The following CXCR2 variants were observed in gnomAD, a reference collection of about 807,000 sequenced individuals.
The protein encoded by CXCR2 is C-X-C motif chemokine receptor 2, also known as C-X-C chemokine receptor type 2.
In CXCR2, 2 loss-of-function variants were observed where a neutral mutation model predicts 3.7. That is an observed-to-expected ratio of 0.55 (90% CI 0.22 to 1.72). CXCR2 has a LOEUF of 1.72. Ranked by LOEUF, CXCR2 falls within the 40% of genes most tolerant of loss-of-function variation. The pLI, the probability that CXCR2 is intolerant of heterozygous loss-of-function variation, is 0.19. For missense variants in CXCR2, 351 were observed against 450.1 expected (o/e 0.78, Z 1.99); for synonymous variants, 203 against 193.3 (o/e 1.05, Z -0.41).
In CXCR2 at chr2:218,136,144, A is replaced by G. The variant is rs970732735; in HGVS notation, c.*260A>G. On this transcript the variant is annotated 3_prime_UTR_variant, in exon 3 of 3. Coordinates refer to ENST00000318507, the MANE Select transcript of CXCR2 (RefSeq NM_001557.4). ...CCTGCCCCTGAGCCCATGGCACTCT[A>G]TGTTCTAAGAAGTGAAAATCTACAC... 2 of 420,750 alleles carry G rather than the reference A, an allele frequency of 4.8e-6. No individual in the cohort carries two copies. Among genetic ancestry groups the G allele is most frequent in the Admixed American group, 8.0e-5 (2 of 24,914 alleles). The allele number at this position is 420,750 out of a possible 1,614,324, so 26.1% of individuals were successfully genotyped here.
At chr2:218,133,784 C>T (rs1358089103) in intron 2 of CXCR2, among the ~76,000 whole-genome samples, 1 of 152,224 alleles carries the variant, frequency 6.6e-6, no homozygotes, top group African/African-American at 2.4e-5. Context: ...TGGAAAGCCA[C>T]CAAGCAAGGG....
chr2:218,132,217 A>G (rs1690665847), intron 2 of CXCR2, among the ~76,000 whole-genome samples: 1 of 152,156 alleles, frequency 6.6e-6, no homozygotes, highest in Admixed American at 6.5e-5. Context: ...TATCACTCAA[A>G]AGAAAAACTC....
rs766840053 is a variant in CXCR2 at position 218,135,611 on chromosome 2, C to G, written c.810C>G (p.Val270=). The change falls in exon 3 of 3, where the codon GTC becomes GTG. Residue 270 remains valine, a synonymous_variant. Coordinates refer to ENST00000318507, the MANE Select transcript of CXCR2 (RefSeq NM_001557.4). This position sits in a 1 kb window ranked among gnomAD's most constrained non-coding sequence, Gnocchi z 4.0. ...FLLCWLPYNL[V]LLADTLMRTQ... ...TCTGCTGGCTGCCCTACAACCTGGT[C>G]CTGCTGGCAGACACCCTCATGAGGA... 5 of 1,614,146 alleles carry G rather than the reference C, an allele frequency of 3.1e-6. No homozygotes were observed. The highest frequency in any genetic ancestry group is 4.2e-6 in the Non-Finnish European group (5 of 1,180,028).
At chr2:218,129,424 C>T (rs1009299198) in intron 2 of CXCR2, 59 bp downstream of exon 2, 5 of 152,372 alleles carry the variant, frequency 3.3e-5, no homozygotes, top group African/African-American at 1.2e-4. Flanking sequence ...CTCTGTTTCC[C>T]TTGATACCCA....
Position 218,134,911 on chromosome 2 carries a change from C to T in CXCR2, c.110C>T (p.Ala37Val). The T allele has an allele frequency of 6.2e-7, 1 of 1,614,034 alleles. No individual in the cohort carries two copies. Among genetic ancestry groups the T allele is most frequent in the Non-Finnish European group, 8.5e-7 (1 of 1,180,062 alleles). The change falls in exon 3 of 3, where the codon GCC becomes GTC. Residue 37 changes from alanine to valine, a missense_variant. By Grantham distance (64) the Ala-to-Val change is moderately conservative (BLOSUM62 0). Transcript: ENST00000318507. The stretch of plus-strand genomic sequence containing the variant: ...CTGCCCCCTTTTCTACTAGATGCCG[C>T]CCCATGTGAACCAGAATCCCTGGAA... ...STLPPFLLDA[A>V]PCEPESLEIN...
chr2:218,129,830 G>A lies in CXCR2; in HGVS notation c.-26+465G>A, dbSNP rs1027935699. On this transcript the variant is annotated intron_variant, in intron 2 of 2. Transcript: ENST00000318507. ...GTTTGAGATCTTGTAAATGTCTCTC[G>A]TTCTATAGCATTTTCATGTAATAAA... Among the ~76,000 whole-genome samples the A allele has an allele frequency of 5.3e-5, 8 of 152,140 alleles. No homozygotes were observed. In the East Asian group the frequency reaches 7.7e-4, roughly 15 times the overall value.
intron 1 of CXCR2, among the ~76,000 whole-genome samples, chr2:218,127,491 C>T (rs865905859): frequency 6.6e-6 from 1 of 152,154 alleles, no homozygotes; most frequent in African/African-American, 2.4e-5. Context: ...TGAAATTGAC[C>T]TAAGGAGCAT....
rs1690777448 is a variant in CXCR2 at position 218,135,674 on chromosome 2, C to T, written c.873C>T (p.His291=). The change falls in exon 3 of 3, where the codon CAC becomes CAT. Residue 291 remains histidine, a synonymous_variant. Transcript: ENST00000318507. The surrounding 1 kb of genome is among the most constrained non-coding windows in gnomAD (Gnocchi z 4.0). ...AGGAGACCTGTGAGCGCCGCAATCA[C>T]ATCGACCGGGCTCTGGATGCCACCG... The part of the protein sequence containing the change: ...VIQETCERRN[H]IDRALDATEI... 1.2e-6 allele frequency: 2 copies of T among 1,614,184 alleles called. No homozygotes were observed. The highest frequency in any genetic ancestry group is 1.7e-5 in the Admixed American group (1 of 60,024).
Position 218,135,722 on chromosome 2 carries a change from C to CT in CXCR2, c.922dup (p.Cys308LeufsTer59). On this transcript the variant is annotated frameshift_variant, in exon 3 of 3. Coordinates refer to ENST00000318507, the MANE Select transcript of CXCR2 (RefSeq NM_001557.4). LOFTEE classifies it high-confidence loss of function. The surrounding 1 kb of genome is among the most constrained non-coding windows in gnomAD (Gnocchi z 4.0). ...CCGAGATTCTGGGCATCCTTCACAG[C>CT]TGCCTCAACCCCCTCATCTACGCCT... is the stretch of plus-strand genomic sequence containing the variant. The CT allele has an allele frequency of 1.9e-6, 3 of 1,614,108 alleles. No individual in the cohort carries two copies. Among genetic ancestry groups the CT allele is most frequent in the Non-Finnish European group, 2.5e-6 (3 of 1,180,026 alleles).
At chr2:218,130,215 G>A (rs377166205) in intron 2 of CXCR2, among the ~76,000 whole-genome samples, 3 of 152,166 alleles carry the variant, frequency 2.0e-5, no homozygotes, top group East Asian at 3.9e-4. Flanking sequence ...GAGGTCAGGA[G>A]TTCGAGACCA....
chr2:218,133,897 G>A (rs1045905511), intron 2 of CXCR2, among the ~76,000 whole-genome samples: 2 of 152,242 alleles, frequency 1.3e-5, no homozygotes, highest in African/African-American at 4.8e-5. Flanking sequence ...GCTGCCCAGA[G>A]CTCCCCAAAT....
In CXCR2 at chr2:218,135,006, G is replaced by T. The variant is rs368269858; in HGVS notation, c.205G>T (p.Val69Leu). The T allele has an allele frequency of 1.7e-5, 27 of 1,614,142 alleles. No homozygotes were observed. The highest frequency in any genetic ancestry group is 2.3e-5 in the Non-Finnish European group (27 of 1,180,022). The change falls in exon 3 of 3, where the codon GTG becomes TTG. Residue 69 changes from valine (V) to leucine (L), a missense_variant. By Grantham distance (32) the Val-to-Leu change is conservative. Transcript: ENST00000318507. The surrounding 1 kb of genome is among the most constrained non-coding windows in gnomAD (Gnocchi z 4.0). ...FLLSLLGNSLVMLVILYSRVG... is the reference protein window; with the variant it reads ...FLLSLLGNSLLMLVILYSRVG... ...GCTGAGCCTGCTGGGAAACTCCCTC[G>T]TGATGCTGGTCATCTTATACAGCAG...
At chr2:218,131,563 G>A (rs1469736649) in intron 2 of CXCR2, among the ~76,000 whole-genome samples, 2 of 146,936 alleles carry the variant, frequency 1.4e-5, no homozygotes, top group Non-Finnish European at 3.0e-5. Context: ...TTCGCTTCCC[G>A]GGTTCACACC....
chr2:218,131,803 T>C (rs1276857188), intron 2 of CXCR2, among the ~76,000 whole-genome samples: 2 of 151,402 alleles, frequency 1.3e-5, no homozygotes, highest in African/African-American at 4.9e-5. Flanking sequence ...ACATTACAAC[T>C]GATTGAATCT....
At chr2:218,129,602 C>A (rs1357937009) in intron 2 of CXCR2, among the ~76,000 whole-genome samples, 2 of 152,182 alleles carry the variant, frequency 1.3e-5, no homozygotes, top group African/African-American at 2.4e-5. Flanking sequence ...GCTGCCCATG[C>A]TTTTCCCTTG....
At position 218,127,461 on chromosome 2, in the gene CXCR2, C is replaced by T. The variant is rs550365207; in HGVS notation, c.-78+1108C>T. ...TAATTCACTCCACCCTGCATATAAC[C>T]GCAGTGATCTCCATGGAAATGAAAT... On this transcript the variant is annotated intron_variant, in intron 1 of 2. Transcript: ENST00000318507. 8.5e-5 allele frequency among the ~76,000 whole-genome samples: 13 copies of T among 152,256 alleles called. No individual in the cohort carries two copies. The South Asian group carries it at 2.5e-3, about 29-fold the overall frequency.
rs1240805593 is a variant in CXCR2 at position 218,129,305 on chromosome 2, C to T, written c.-77-9C>T. The T allele has an allele frequency of 6.6e-6, 1 of 152,418 alleles. No homozygotes were observed. Among genetic ancestry groups the T allele is most frequent in the African/African-American group, 2.4e-5 (1 of 41,452 alleles). 9.4% of individuals were successfully genotyped at this position (152,418 alleles called of 1,614,324 possible). A position where few individuals can be genotyped will look rare whatever the true frequency, so the allele number is the denominator to read the frequency against. Reference sequence around the variant, plus strand: ...CCACTGTGTTCTCACCACCACCTCCCTTTCATAGGTCACAGCTGCTCTTCT... The same window carrying T: ...CCACTGTGTTCTCACCACCACCTCCTTTTCATAGGTCACAGCTGCTCTTCT... On this transcript the variant is annotated splice_polypyrimidine_tract_variant and intron_variant, in intron 1 of 2. Coordinates refer to ENST00000318507, the MANE Select transcript of CXCR2 (RefSeq NM_001557.4).
intron 1 of CXCR2, 74 bp from the exon 2 acceptor site, chr2:218,129,240 C>G (rs927989947): frequency 6.6e-6 from 1 of 152,388 alleles, no homozygotes. Context: ...AGCTCCACCC[C>G]TGAATTGCAT....
chr2:218,131,268 C>T (rs1690638971), intron 2 of CXCR2, among the ~76,000 whole-genome samples: 1 of 152,172 alleles, frequency 6.6e-6, no homozygotes, highest in Non-Finnish European at 1.5e-5. Context: ...CTTCATTGGA[C>T]ATACCCTGGG....
Sources: gnomAD v4.1 joint callset for allele counts (sites outside exome capture counted in the v4.1 genomes callset) on GRCh38, gnomAD v4.1.1 for gene constraint, Gnocchi (gnomAD v3.1) non-coding constraint, MANE v1.5 for transcripts, NCBI Gene and HGNC (gene_info 2026-07-23, HGNC 2026-07-21) for gene names.